Variants in BAIAP2L1 observed in about 807,000 individuals in gnomAD.
BAIAP2L1 encodes the protein BAR/IMD domain-containing adapter protein 2-like 1.
In BAIAP2L1, 35 loss-of-function variants were observed where a neutral mutation model predicts 66.3. That is an observed-to-expected ratio of 0.53 (90% CI 0.40 to 0.70). The LOEUF (loss-of-function observed/expected upper bound fraction) is 0.70. BAIAP2L1 is among the 30% of genes least tolerant of loss of function. The probability of loss-of-function intolerance (pLI) is 0.00; values close to 1 mark genes in which losing one functional copy is unlikely to be tolerated. For missense variants in BAIAP2L1, 622 were observed against 656.9 expected (o/e 0.95, Z 0.58); for synonymous variants, 269 against 248.7 (o/e 1.08, Z -0.77).
At chr7:98,357,384 T>G (rs949686557) in intron 2 of BAIAP2L1, among the ~76,000 whole-genome samples, 8 of 150,606 alleles carry the variant, frequency 5.3e-5, no homozygotes, top group Non-Finnish European at 1.5e-5. Context: ...CTGGCCAACA[T>G]GGTGAAATCC....
rs1584480074 is a variant in BAIAP2L1 at position 98,355,057 on chromosome 7, C to T, written c.199G>A (p.Val67Met). The T allele has an allele frequency of 5.0e-6, 8 of 1,613,292 alleles. No individual in the cohort carries two copies. Among genetic ancestry groups the T allele is most frequent in the Admixed American group, 1.7e-5 (1 of 59,988 alleles). The change falls in exon 3 of 14, where the codon GTG (valine) becomes ATG (methionine). Residue 67 changes from valine to methionine, a missense_variant. Physicochemically the swap from Val to Met is conservative, Grantham distance 21. Transcript: ENST00000005260. ...GATCGCTCACCCAGTTCAGTTGACA[C>T]GGGGGACCCAGTGGCAATCTCACCG... ...KIGEIATGSP[V>M]STELGHVLIE... is the part of the protein sequence containing the mutation.
chr7:98,380,725 A>T (rs1802734794), intron 1 of BAIAP2L1, among the ~76,000 whole-genome samples: 5 of 140,428 alleles, frequency 3.6e-5, no homozygotes, highest in Admixed American at 3.0e-4. Flanking sequence ...ATAAGCCACC[A>T]TATCCGGTCC....
At chr7:98,372,931 G>A (rs1247625647) in intron 1 of BAIAP2L1, among the ~76,000 whole-genome samples, 2 of 152,004 alleles carry the variant, frequency 1.3e-5, no homozygotes, top group South Asian at 2.1e-4. Flanking sequence ...GTAGAGATGG[G>A]GTTTCGCCAT....
rs1269682331 is a variant in BAIAP2L1 at position 98,380,755 on chromosome 7, TAAA to T, written c.52-18326_52-18324del. Among the ~76,000 whole-genome samples the T allele has an allele frequency of 1.7e-4, 19 of 114,750 alleles. No individual in the cohort carries two copies. In the East Asian group the frequency reaches 4.4e-3, roughly 27 times the overall value. 75.3% of individuals were successfully genotyped at this position (114,750 alleles called of 152,430 possible). ...CGGTCCGTTTTTTTTTTTTTTTTAA[TAAA>T]AAAAAAAAGGAACCACCACCACCGC... On this transcript the variant is annotated intron_variant, in intron 1 of 13. Transcript: ENST00000005260.
intron 1 of BAIAP2L1, among the ~76,000 whole-genome samples, chr7:98,383,490 T>C (rs1802810901): frequency 6.6e-6 from 1 of 152,058 alleles, no homozygotes; most frequent in East Asian, 2.0e-4. Context: ...TTTCTCCATG[T>C]TGGTCAGGCT....
At position 98,307,806 on chromosome 7, in the gene BAIAP2L1, G is replaced by A. The variant is rs770715389; in HGVS notation, c.1046C>T (p.Pro349Leu). The change falls in exon 10 of 14, where the codon CCG becomes CTG. Residue 349 changes from proline to leucine, a missense_variant. Pro to Leu is a moderately conservative substitution (Grantham distance 98). Transcript: ENST00000005260. The part of the protein sequence containing the change: ...MKKQKVKTIF[P>L]HTAGSNKTLL... The stretch of plus-strand genomic sequence containing the variant: ...GGTCTTGTTGGAGCCCGCAGTGTGC[G>A]GGAAGATGGTCTTCACTTTCTGCTT... 8 of 1,614,134 alleles carry A rather than the reference G, an allele frequency of 5.0e-6. No individual in the cohort carries two copies. Among genetic ancestry groups the A allele is most frequent in the African/African-American group, 2.7e-5 (2 of 74,950 alleles).
chr7:98,318,543 T>C (rs1170734831), intron 5 of BAIAP2L1, among the ~76,000 whole-genome samples: 2 of 151,236 alleles, frequency 1.3e-5, no homozygotes. Flanking sequence ...CCTCCCAAAG[T>C]GCTGGGATTA....
chr7:98,365,765 C>G (rs1174369593), intron 1 of BAIAP2L1, among the ~76,000 whole-genome samples: 3 of 152,230 alleles, frequency 2.0e-5, no homozygotes, highest in Non-Finnish European at 4.4e-5. Context: ...CAGGTGTGAG[C>G]CACCACGCCC....
At chr7:98,371,702 T>C (rs1397689239) in intron 1 of BAIAP2L1, among the ~76,000 whole-genome samples, 1 of 152,240 alleles carries the variant, frequency 6.6e-6, no homozygotes, top group African/African-American at 2.4e-5. Flanking sequence ...ATTAACTGTG[T>C]ACATTTATAA....
At chr7:98,400,453 G>A in intron 1 of BAIAP2L1, 1 of 325,110 alleles carries the variant, frequency 3.1e-6, no homozygotes, top group South Asian at 2.5e-5. Context: ...GGGAGGGACA[G>A]TGTCGAGGGG....
At chr7:98,353,915 T>C (rs1215130056) in intron 3 of BAIAP2L1, among the ~76,000 whole-genome samples, 2 of 150,738 alleles carry the variant, frequency 1.3e-5, no homozygotes, top group Non-Finnish European at 2.9e-5. Context: ...TGAGCCGAGA[T>C]CGTGCCACTG....
chr7:98,377,497 T>C (rs1199251455), intron 1 of BAIAP2L1, among the ~76,000 whole-genome samples: 1 of 152,172 alleles, frequency 6.6e-6, no homozygotes, highest in Non-Finnish European at 1.5e-5. Flanking sequence ...GCCTGTTTGA[T>C]AGGCAAACAA....
intron 1 of BAIAP2L1, among the ~76,000 whole-genome samples, chr7:98,384,183 C>T (rs868053754): frequency 1.3e-5 from 2 of 151,016 alleles, no homozygotes; most frequent in African/African-American, 4.8e-5. Context: ...GAAAGAGCTC[C>T]AGTCCTTGGA....
chr7:98,300,442 G>A (rs1303914091), intron 12 of BAIAP2L1, among the ~76,000 whole-genome samples: 1 of 152,212 alleles, frequency 6.6e-6, no homozygotes, highest in Non-Finnish European at 1.5e-5. Flanking sequence ...TCCCCGCAAT[G>A]CTTTTGCAGT....
At position 98,317,276 on chromosome 7, in the gene BAIAP2L1, G is replaced by T; in HGVS notation, c.429C>A (p.Ile143=). The T allele has an allele frequency of 2.5e-6, 4 of 1,614,152 alleles. No individual in the cohort carries two copies. Among genetic ancestry groups the T allele is most frequent in the South Asian group, 1.1e-5 (1 of 91,080 alleles). The change falls in exon 6 of 14, where the codon ATC becomes ATA. Residue 143 remains isoleucine (I), a synonymous_variant. Coordinates refer to ENST00000005260, the MANE Select transcript of BAIAP2L1 (RefSeq NM_018842.5). ...LEKSQAELKK[I]RRKSQGSRNA... is the part of the protein sequence containing the mutation. The stretch of plus-strand genomic sequence containing the variant: ...TTCGGCTTCCTTGGCTTTTCCTTCT[G>T]ATCTTCTTCAACTCAGCTTGGGATT...
Position 98,307,703 on chromosome 7 carries a change from G to A in BAIAP2L1, c.1149C>T (p.His383=), listed in dbSNP as rs773854322. 11 of 1,613,988 alleles carry A rather than the reference G, an allele frequency of 6.8e-6. No homozygotes were observed. Among genetic ancestry groups the A allele is most frequent in the East Asian group, 2.2e-5 (1 of 44,902 alleles). Residue 383 remains histidine (H), a synonymous_variant, in exon 10 of 14, where the codon CAC becomes CAT. Coordinates refer to ENST00000005260, the MANE Select transcript of BAIAP2L1 (RefSeq NM_018842.5). ...EEKDGWLYGE[H]DVSKARGWFP... ...CCCAGACTTACGCCTTGGACACGTC[G>A]TGTTCTCCATAGAGCCAGCCATCCT...
intron 12 of BAIAP2L1, among the ~76,000 whole-genome samples, chr7:98,294,956 C>G (rs1800123673): frequency 6.6e-6 from 1 of 152,218 alleles, no homozygotes; most frequent in South Asian, 2.1e-4. Context: ...GGGTTTAACA[C>G]TCTTTCCTGC....
intron 5 of BAIAP2L1, among the ~76,000 whole-genome samples, chr7:98,318,872 A>T (rs1339628935): frequency 6.8e-6 from 1 of 147,818 alleles, no homozygotes; most frequent in Non-Finnish European, 1.5e-5. Context: ...GGAACCCAGG[A>T]GGCGGAGGTT....
In BAIAP2L1 at chr7:98,400,956, A is replaced by T; in HGVS notation, c.-104T>A. ...CCGGGGCGCGACTAAGGGGCTCTGG[A>T]GGGTCGGCCGCCGCCGCAGCCGTCG... On this transcript the variant is annotated 5_prime_UTR_variant, in exon 1 of 14. Coordinates refer to ENST00000005260, the MANE Select transcript of BAIAP2L1 (RefSeq NM_018842.5). 1.8e-6 allele frequency: 2 copies of T among 1,090,650 alleles called. No individual in the cohort carries two copies. The highest frequency in any genetic ancestry group is 2.4e-6 in the Non-Finnish European group (2 of 834,822). The allele number at this position is 1,090,650 out of a possible 1,614,324, so 67.6% of individuals were successfully genotyped here. A position where few individuals can be genotyped will look rare whatever the true frequency, so the allele number is the denominator to read the frequency against.
Sources: gnomAD v4.1 joint callset for allele counts (sites outside exome capture counted in the v4.1 genomes callset) on GRCh38, gnomAD v4.1.1 for gene constraint, MANE v1.5 for transcripts, NCBI Gene and HGNC (gene_info 2026-07-23, HGNC 2026-07-21) for gene names.